Variants in SLC16A2 observed in about 807,000 individuals in gnomAD.
The protein encoded by SLC16A2 is solute carrier family 16 member 2.
Under a neutral mutation model 27.2 loss-of-function variants are expected in SLC16A2, and 3 were observed. The ratio of observed to expected loss-of-function variants is 0.11; its 90% CI spans 0.05 to 0.28. The LOEUF (loss-of-function observed/expected upper bound fraction) is 0.28. Among genes scored for constraint, SLC16A2 ranks in the 10% least tolerant of loss-of-function variants. SLC16A2 has a pLI of 1.00. For missense variants in SLC16A2, 295 were observed against 458.5 expected (o/e 0.64, Z 3.26); for synonymous variants, 202 against 187.8 (o/e 1.08, Z -0.62).
chrX:74,474,550 A>T (rs756225330), intron 1 of SLC16A2, among the ~76,000 whole-genome samples: 1 of 108,305 alleles, frequency 9.2e-6, no homozygotes, highest in South Asian at 4.0e-4. Context: ...ACATATATAT[A>T]TGTGTGCCAT....
intron 1 of SLC16A2, among the ~76,000 whole-genome samples, chrX:74,470,608 C>T (rs1255111554): frequency 8.9e-6 from 1 of 111,906 alleles, no homozygotes; most frequent in Non-Finnish European, 1.9e-5. Context: ...ATTCACCATA[C>T]ATATATATTT....
chrX:74,458,383 T>C (rs1271519749), intron 1 of SLC16A2, among the ~76,000 whole-genome samples: 4 of 111,876 alleles, frequency 3.6e-5, no homozygotes, highest in Non-Finnish European at 7.5e-5. Context: ...AGTTTCGCTC[T>C]TGTTGCCCAG....
chrX:74,443,868 T>G (rs1052268312), intron 1 of SLC16A2, among the ~76,000 whole-genome samples: 2 of 111,532 alleles, frequency 1.8e-5, no homozygotes, highest in Non-Finnish European at 3.8e-5. Flanking sequence ...GCCCGCCCCA[T>G]CATACCTTTT....
intron 1 of SLC16A2, among the ~76,000 whole-genome samples, chrX:74,488,316 A>T (rs1929760057): frequency 9.0e-6 from 1 of 111,693 alleles, no homozygotes; most frequent in Admixed American, 9.5e-5. Flanking sequence ...TACTTTAGGT[A>T]ATTAATAAAA....
intron 1 of SLC16A2, among the ~76,000 whole-genome samples, chrX:74,498,194 T>G (rs192599992): frequency 9.8e-5 from 11 of 112,086 alleles, no homozygotes; most frequent in Admixed American, 3.8e-4. Flanking sequence ...TGAATTCTGC[T>G]AAGATGTAGG....
At chrX:74,506,932 TA>T (rs1252468931) in intron 1 of SLC16A2, among the ~76,000 whole-genome samples, 143 of 29,508 alleles carry the variant, frequency 4.8e-3, no homozygotes, top group African/African-American at 8.2e-3. Flanking sequence ...TTTATTTATT[TA>T]TTTATTTTTT....
At chrX:74,443,918 C>A (rs1267401934) in intron 1 of SLC16A2, among the ~76,000 whole-genome samples, 2 of 111,500 alleles carry the variant, frequency 1.8e-5, no homozygotes, top group East Asian at 5.7e-4. Flanking sequence ...TCCCCTTCTG[C>A]ATCTTGAGCA....
intron 1 of SLC16A2, among the ~76,000 whole-genome samples, chrX:74,480,359 C>T (rs186639132): frequency 4.4e-5 from 5 of 112,461 alleles, no homozygotes; most frequent in African/African-American, 6.5e-5. Flanking sequence ...GTTAGTGACC[C>T]GATTTTCCAG....
At chrX:74,454,257 G>T (rs1928998168) in intron 1 of SLC16A2, among the ~76,000 whole-genome samples, 1 of 110,902 alleles carries the variant, frequency 9.0e-6, no homozygotes, top group Admixed American at 9.7e-5. Flanking sequence ...AAAACATGCT[G>T]CTATAAAGAC....
At chrX:74,499,743 C>T (rs750492708) in intron 1 of SLC16A2, among the ~76,000 whole-genome samples, 54 of 111,768 alleles carry the variant, frequency 4.8e-4, no homozygotes, top group African/African-American at 1.3e-3. Flanking sequence ...TGTGAGCCAC[C>T]ACGCCCCATC....
At chrX:74,437,059 T>G (rs1205796759) in intron 1 of SLC16A2, among the ~76,000 whole-genome samples, 1 of 112,004 alleles carries the variant, frequency 8.9e-6, no homozygotes, top group African/African-American at 3.2e-5. Flanking sequence ...GGTCTACACA[T>G]TCACAAAGAA....
At chrX:74,520,861 C>A in intron 1 of SLC16A2, 129 bp from the exon 2 acceptor site, 2 of 703,179 alleles carry the variant, frequency 2.8e-6, no homozygotes, top group Non-Finnish European at 4.5e-6. Context: ...ACATCAGGGA[C>A]TAGCAAGCTG....
chrX:74,506,336 A>G (rs764215691), intron 1 of SLC16A2, among the ~76,000 whole-genome samples: 77 of 111,942 alleles, frequency 6.9e-4, no homozygotes, highest in African/African-American at 2.4e-3. Flanking sequence ...TGTAGGCCTC[A>G]TGTCTTCATC....
At chrX:74,519,726 AAAAAC>A (rs1387060610) in intron 1 of SLC16A2, among the ~76,000 whole-genome samples, 7 of 69,523 alleles carry the variant, frequency 1.0e-4, no homozygotes, top group African/African-American at 2.6e-4. Flanking sequence ...AAAAAAAAAA[AAAAAC>A]AAAAAAAAAA....
chrX:74,426,249 G>A (rs893575753), intron 1 of SLC16A2, among the ~76,000 whole-genome samples: 1 of 112,247 alleles, frequency 8.9e-6, no homozygotes, highest in African/African-American at 3.2e-5. Context: ...GCTAGATCAG[G>A]TTGGCTTAGC....
chrX:74,421,579 A>G lies in SLC16A2; in HGVS notation c.-59A>G. 7 of 1,178,873 alleles carry G rather than the reference A, an allele frequency of 5.9e-6. No homozygotes were observed. Among genetic ancestry groups the G allele is most frequent in the Non-Finnish European group, 8.0e-6 (7 of 873,321 alleles). On this transcript the variant is annotated 5_prime_UTR_variant, in exon 1 of 6. Transcript: ENST00000587091. ...AGCAGCAGCAGCTGCAGCAGCAGAA[A>G]CAAGTACCAGCCACAAAGCGGCTCC...
chrX:74,426,945 C>T lies in SLC16A2; in HGVS notation c.430+4878C>T, dbSNP rs140773985. On this transcript the variant is annotated intron_variant, in intron 1 of 5. Coordinates refer to ENST00000587091, the MANE Select transcript of SLC16A2 (RefSeq NM_006517.5). ...TTTAAAAATTACCCAATCCTTTTTACCTAGTATGTAAGGGCAACCCTGCAT... is the reference window on the plus strand; with the variant it reads ...TTTAAAAATTACCCAATCCTTTTTATCTAGTATGTAAGGGCAACCCTGCAT... 6.4e-3 allele frequency among the ~76,000 whole-genome samples: 714 copies of T among 111,400 alleles called. 5 individuals carry two copies. The highest frequency in any genetic ancestry group is 9.5e-3 in the Non-Finnish European group (503 of 53,055).
chrX:74,520,367 T>A (rs763484809), intron 1 of SLC16A2, among the ~76,000 whole-genome samples: 1 of 111,745 alleles, frequency 8.9e-6, no homozygotes, highest in East Asian at 2.8e-4. Flanking sequence ...TCTGGAAGAA[T>A]CTAAATAAAA....
At chrX:74,430,545 T>A (rs1443492194) in intron 1 of SLC16A2, among the ~76,000 whole-genome samples, 1 of 112,236 alleles carries the variant, frequency 8.9e-6, no homozygotes, top group Non-Finnish European at 1.9e-5. Flanking sequence ...TCATAATTCT[T>A]GAGTCCAAAA....
Sources: allele counts gnomAD v4.1 joint callset (sites outside exome capture counted in the v4.1 genomes callset), GRCh38; gene constraint gnomAD v4.1.1; transcripts MANE v1.5; gene names NCBI Gene and HGNC (gene_info 2026-07-23, HGNC 2026-07-21).